ZNF197: variants seen among roughly 807,000 people sequenced by gnomAD.
ZNF197 encodes zinc finger protein 197.
ZNF197 carries 14 observed loss-of-function variants against 27.4 expected under a neutral mutation model. That is an observed-to-expected ratio of 0.51 (90% confidence interval 0.34 to 0.80). The LOEUF is 0.80. Among genes scored for constraint, ZNF197 ranks in the 30% least tolerant of loss-of-function variants. The pLI, the probability that ZNF197 is intolerant of heterozygous loss-of-function variation, is 0.02. For synonymous variants in ZNF197, 415 were observed against 420.0 expected (o/e 0.99, Z 0.15); for missense variants, 1,090 against 1,222.6 (o/e 0.89, Z 1.62).
intron 1 of ZNF197, among the ~76,000 whole-genome samples, chr3:44,628,806 A>G (rs532397379): frequency 1.4e-4 from 22 of 152,308 alleles, no homozygotes; most frequent in Admixed American, 1.3e-3. Context: ...TAAAGAGTCT[A>G]TTGTAATTAG....
intron 1 of ZNF197, among the ~76,000 whole-genome samples, chr3:44,627,122 T>G (rs555095190): frequency 3.6e-4 from 55 of 152,288 alleles, no homozygotes; most frequent in Admixed American, 2.9e-3. Flanking sequence ...TACACACATA[T>G]GCAGAAATAA....
chr3:44,625,352 T>C (rs1258461904), intron 1 of ZNF197, among the ~76,000 whole-genome samples: 1 of 152,196 alleles, frequency 6.6e-6, no homozygotes, highest in African/African-American at 2.4e-5. Context: ...GGACAGCAGC[T>C]CCGAGTCTGT....
Position 44,642,285 on chromosome 3 carries a change from T to C in ZNF197, c.1155T>C (p.Leu385=). Residue 385 remains leucine, a synonymous_variant, in exon 6 of 6, where the codon CTT becomes CTC. Transcript: ENST00000344387. ...CCKHFNKISH[L]INHRRIHTGE... ...AACATTTTAATAAAATCTCCCATCTTATAAACCATCGGAGAATCCACACTG... is the reference window on the plus strand; with the variant it reads ...AACATTTTAATAAAATCTCCCATCTCATAAACCATCGGAGAATCCACACTG... The C allele has an allele frequency of 6.2e-7, 1 of 1,614,056 alleles. No homozygotes were observed.
rs1297187696 is a variant in ZNF197, at chr3:44,648,089, A to G, written c.*3869A>G. 1 of 152,204 alleles carries G rather than the reference A, an allele frequency of 6.6e-6. No homozygotes were observed. Among genetic ancestry groups the G allele is most frequent in the Non-Finnish European group, 1.5e-5 (1 of 68,024 alleles). The allele number at this position is 152,204 out of a possible 1,614,324, so 9.4% of individuals were successfully genotyped here. On this transcript the variant is annotated 3_prime_UTR_variant, in exon 6 of 6. Coordinates refer to ENST00000344387, the MANE Select transcript of ZNF197 (RefSeq NM_006991.5). ...CAATGGCAACGAAAACCCAAAACTA[A>G]AGAGCTGTAACCAACTAAAGTGTGT...
In ZNF197 at chr3:44,644,997, C is replaced by A. The variant is rs1702876389; in HGVS notation, c.*777C>A. The A allele has an allele frequency of 1.2e-5, 12 of 985,412 alleles. No individual in the cohort carries two copies. The highest frequency in any genetic ancestry group is 1.4e-5 in the Non-Finnish European group (12 of 829,932). The allele number at this position is 985,412 out of a possible 1,614,324, so 61.0% of individuals were successfully genotyped here. On this transcript the variant is annotated 3_prime_UTR_variant, in exon 6 of 6. Transcript: ENST00000344387. The stretch of plus-strand genomic sequence containing the variant: ...GAACAGACAGTATGATCCAGAATGT[C>A]AGGTGTGGAGTTGGGCGGACAAGAG...
At chr3:44,641,346 T>C (rs977907837) in intron 5 of ZNF197, among the ~76,000 whole-genome samples, 6 of 152,254 alleles carry the variant, frequency 3.9e-5, no homozygotes, top group African/African-American at 9.6e-5. Context: ...GTAGGAGTTA[T>C]ATGAATTCTA....
chr3:44,637,836 C>G (rs1042947283), intron 5 of ZNF197, among the ~76,000 whole-genome samples: 2 of 152,150 alleles, frequency 1.3e-5, no homozygotes, highest in African/African-American at 4.8e-5. Context: ...ACCCTTATGT[C>G]AGTATCACCC....
chr3:44,644,451 C>A lies in ZNF197; in HGVS notation c.*231C>A. 3 of 1,047,352 alleles carry A rather than the reference C, an allele frequency of 2.9e-6. No individual in the cohort carries two copies. Among genetic ancestry groups the A allele is most frequent in the Non-Finnish European group, 3.7e-6 (3 of 820,118 alleles). 64.9% of individuals were successfully genotyped at this position (1,047,352 alleles called of 1,614,324 possible). ...GTCAGGATTTTGAGACCAGCCTGAC[C>A]AACATGGTGAAACCCCATCTCTACT... On this transcript the variant is annotated 3_prime_UTR_variant, in exon 6 of 6. Coordinates refer to ENST00000344387, the MANE Select transcript of ZNF197 (RefSeq NM_006991.5).
Position 44,643,272 on chromosome 3 carries a change from C to T in ZNF197, c.2142C>T (p.Thr714=). The T allele has an allele frequency of 6.2e-7, 1 of 1,614,048 alleles. No homozygotes were observed. Among genetic ancestry groups the T allele is most frequent in the Non-Finnish European group, 8.5e-7 (1 of 1,180,020 alleles). The part of the protein sequence containing the change: ...KPYECRECGK[T]FIMSKSFMVH... Reference sequence around the variant, plus strand: ...ATGAATGTCGAGAGTGTGGGAAAACCTTTATTATGAGCAAAAGTTTTATGG... The same window carrying T: ...ATGAATGTCGAGAGTGTGGGAAAACTTTTATTATGAGCAAAAGTTTTATGG... The change falls in exon 6 of 6, where the codon ACC becomes ACT. Residue 714 remains threonine (T), a synonymous_variant. Coordinates refer to ENST00000344387, the MANE Select transcript of ZNF197 (RefSeq NM_006991.5).
At chr3:44,638,727 T>G (rs1702439550) in intron 5 of ZNF197, among the ~76,000 whole-genome samples, 1 of 152,230 alleles carries the variant, frequency 6.6e-6, no homozygotes, top group Non-Finnish European at 1.5e-5. Flanking sequence ...AGTGTCTTAC[T>G]CTGTTGCCCA....
At chr3:44,626,935 C>T (rs1701701094) in intron 1 of ZNF197, among the ~76,000 whole-genome samples, 1 of 152,058 alleles carries the variant, frequency 6.6e-6, no homozygotes, top group Admixed American at 6.5e-5. Context: ...CCAAACATTC[C>T]ATCAGTGCTG....
chr3:44,628,371 TA>T (rs1302758182), intron 1 of ZNF197, among the ~76,000 whole-genome samples: 3 of 152,228 alleles, frequency 2.0e-5, no homozygotes. Context: ...TCTGTGGGAC[TA>T]GATGTGAAAG....
chr3:44,625,685 A>T (rs2125787219), intron 1 of ZNF197, among the ~76,000 whole-genome samples: 1 of 152,344 alleles, frequency 6.6e-6, no homozygotes, highest in East Asian at 1.9e-4. Context: ...TTCAGGCAAT[A>T]CATTTTAACA....
At position 44,642,525 on chromosome 3, in the gene ZNF197, G is replaced by A. The variant is rs1462486941; in HGVS notation, c.1395G>A (p.Arg465=). The part of the protein sequence containing the change: ...KCKECGKGFY[R]HSGLIIHLRR... ...AGGAGTGTGGAAAGGGCTTCTATAG[G>A]CACTCAGGCCTAATTATACATCTAA... is the stretch of plus-strand genomic sequence containing the variant. Residue 465 remains arginine (R), a synonymous_variant, in exon 6 of 6, where the codon AGG becomes AGA. Coordinates refer to ENST00000344387, the MANE Select transcript of ZNF197 (RefSeq NM_006991.5). 2 of 1,614,060 alleles carry A rather than the reference G, an allele frequency of 1.2e-6. No homozygotes were observed. The highest frequency in any genetic ancestry group is 1.7e-5 in the Admixed American group (1 of 60,022).
chr3:44,629,670 T>C, intron 2 of ZNF197, 126 bp downstream of exon 2: 1 of 1,224,868 alleles, frequency 8.2e-7, no homozygotes, highest in Non-Finnish European at 1.1e-6. Flanking sequence ...CTAGCAACCT[T>C]AATGATAATT....
intron 1 of ZNF197, among the ~76,000 whole-genome samples, chr3:44,627,555 G>A (rs1179028764): frequency 6.6e-6 from 1 of 152,088 alleles, no homozygotes; most frequent in Non-Finnish European, 1.5e-5. Flanking sequence ...TTTCATGGCT[G>A]GGTATGGTGG....
Position 44,644,339 on chromosome 3 carries a change from T to C in ZNF197, c.*119T>C, listed in dbSNP as rs1702825905. On this transcript the variant is annotated 3_prime_UTR_variant, in exon 6 of 6. Transcript: ENST00000344387. ...CTCTTTACTAGACAAATGAGTAGCA[T>C]ATAGAAGAAAGTTAATAGGCCGGGC... 4 of 1,430,860 alleles carry C rather than the reference T, an allele frequency of 2.8e-6. No homozygotes were observed. Among genetic ancestry groups the C allele is most frequent in the African/African-American group, 1.4e-5 (1 of 69,212 alleles). The allele number at this position is 1,430,860 out of a possible 1,614,324, so 88.6% of individuals were successfully genotyped here.
chr3:44,642,667 A>T lies in ZNF197; in HGVS notation c.1537A>T (p.Asn513Tyr). ...CAAAGGGGAAGAACCTTATAAATGT[A>T]ATAAGTGTCAGAAAGCTTTCATTCT... is the stretch of plus-strand genomic sequence containing the variant. ...LHKGEEPYKC[N>Y]KCQKAFILKK... Residue 513 changes from asparagine to tyrosine, a missense_variant, in exon 6 of 6, where the codon AAT becomes TAT. By Grantham distance (143) the Asn-to-Tyr change is moderately radical (BLOSUM62 -2). Coordinates refer to ENST00000344387, the MANE Select transcript of ZNF197 (RefSeq NM_006991.5). 1 of 1,614,096 alleles carries T rather than the reference A, an allele frequency of 6.2e-7. No homozygotes were observed. The highest frequency in any genetic ancestry group is 8.5e-7 in the Non-Finnish European group (1 of 1,180,020).
chr3:44,629,584 A>G (rs994134232), intron 2 of ZNF197, 40 bp downstream of exon 2: 3 of 1,514,234 alleles, frequency 2.0e-6, no homozygotes, highest in African/African-American at 1.4e-5. Flanking sequence ...TTGGGATGAA[A>G]GGAAGGAAAG....
Sources: allele counts gnomAD v4.1 joint callset (sites outside exome capture counted in the v4.1 genomes callset), GRCh38; gene constraint gnomAD v4.1.1; transcripts MANE v1.5; gene names NCBI Gene and HGNC (gene_info 2026-07-23, HGNC 2026-07-21).